The following ZNF219 variants were observed in gnomAD, a reference collection of about 807,000 sequenced individuals.
ZNF219 encodes the protein zinc finger protein 219.
ZNF219 carries 17 observed loss-of-function variants against 54.4 expected under a neutral mutation model. The ratio of observed to expected loss-of-function variants is 0.31; its 90% CI spans 0.21 to 0.47. ZNF219 has a LOEUF of 0.47. Among genes scored for constraint, ZNF219 ranks in the 20% least tolerant of loss-of-function variants. The pLI is 1.00. For missense variants in ZNF219, 1,014 were observed against 1,062.3 expected (o/e 0.95, Z 0.63); for synonymous variants, 518 against 476.4 (o/e 1.09, Z -1.14).
At chr14:21,101,950 C>T (rs755925330), upstream of ZNF219, 7 of 1,551,652 alleles carry the variant, frequency 4.5e-6, no homozygotes, top group East Asian at 2.4e-5. Context: ...ATGGCCACAG[C>T]GCTGCCTCTT....
chr14:21,094,488 TC>T, intron 1 of ZNF219: 1 of 445,992 alleles, frequency 2.2e-6, no homozygotes, highest in South Asian at 1.6e-5. Flanking sequence ...CAGGCTTTCC[TC>T]CTCTCTGCAG....
chr14:21,098,536 C>A lies in ZNF219; in HGVS notation c.-308G>T, dbSNP rs1167319778. On this transcript the variant is annotated 5_prime_UTR_variant, in exon 1 of 5. Transcript: ENST00000360947. ...GGCCCGGCCATTAGCATGCGGGGGG[C>A]GGCGCGGCGGGGCTGGGAGCCGCGC... 15 of 985,608 alleles carry A rather than the reference C, an allele frequency of 1.5e-5. No homozygotes were observed. The highest frequency in any genetic ancestry group is 1.7e-5 in the Non-Finnish European group (14 of 830,676). 61.1% of individuals were successfully genotyped at this position (985,608 alleles called of 1,614,324 possible).
At position 21,091,496 on chromosome 14, in the gene ZNF219, C is replaced by G. The variant is rs780229777; in HGVS notation, c.1479G>C (p.Arg493=). 6.2e-7 allele frequency: 1 copy of G among 1,609,832 alleles called. No homozygotes were observed. Among genetic ancestry groups the G allele is most frequent in the Non-Finnish European group, 8.5e-7 (1 of 1,176,986 alleles). Residue 493 remains arginine, a synonymous_variant, in exon 4 of 5, where the codon CGG becomes CGC. Transcript: ENST00000360947. ...LVGGTRPEGG[R]GATGKDCPFC... ...AAGGACAATCCTTGCCGGTGGCGCC[C>G]CGGCCCCCTTCAGGCCGGGTCCCTC...
At chr14:21,100,163 G>T (rs1040690510), upstream of ZNF219, among the ~76,000 whole-genome samples, 1 of 152,104 alleles carries the variant, frequency 6.6e-6, no homozygotes, top group East Asian at 1.9e-4. Flanking sequence ...AGGAGTTTGA[G>T]ACCAGCTTAG....
At position 21,091,118 on chromosome 14, in the gene ZNF219, C is replaced by G. The variant is rs750245261; in HGVS notation, c.1587G>C (p.Pro529=). Reference sequence around the variant, plus strand: ...ACTGGGTGCCCGCGTAGTCGCAGTGCGGACACTTGTAGGGCCGCTCGCCTG... The same window carrying G: ...ACTGGGTGCCCGCGTAGTCGCAGTGGGGACACTTGTAGGGCCGCTCGCCTG... ...VHTGERPYKC[P]HCDYAGTQSG... Residue 529 remains proline (P), a synonymous_variant, in exon 5 of 5, where the codon CCG becomes CCC. Coordinates refer to ENST00000360947, the MANE Select transcript of ZNF219 (RefSeq NM_016423.3). 5 of 1,591,156 alleles carry G rather than the reference C, an allele frequency of 3.1e-6. No homozygotes were observed. The highest frequency in any genetic ancestry group is 4.3e-6 in the Non-Finnish European group (5 of 1,172,826).
chr14:21,092,887 G>A lies in ZNF219; in HGVS notation c.410C>T (p.Ala137Val), dbSNP rs778249855. 6.5e-7 allele frequency: 1 copy of A among 1,545,644 alleles called. No individual in the cohort carries two copies. Among genetic ancestry groups the A allele is most frequent in the Non-Finnish European group, 8.7e-7 (1 of 1,146,936 alleles). ...GGCCTGCATGCCCCCTGAGCTTCGGGCTCTCCCCAGTCGGGCCTCGCGTAG... is the reference window on the plus strand; with the variant it reads ...GGCCTGCATGCCCCCTGAGCTTCGGACTCTCCCCAGTCGGGCCTCGCGTAG... Reference protein sequence around the residue: ...ALLREARLGRARSSGGMQATP... With the variant: ...ALLREARLGRVRSSGGMQATP... Residue 137 changes from alanine (A) to valine (V), a missense_variant, in exon 3 of 5, where the codon GCC becomes GTC. By Grantham distance (64) the Ala-to-Val change is moderately conservative. Around this residue, in one of 5 missense-constraint regions of ZNF219, gnomAD observed 395 missense variants for 415.1 expected, o/e 0.95. Transcript: ENST00000360947.
upstream of ZNF219, chr14:21,098,703 G>A: frequency 9.8e-7 from 1 of 1,024,880 alleles, no homozygotes; most frequent in Non-Finnish European, 1.2e-6. Flanking sequence ...CGGGGGTGGG[G>A]CGCACAGAGG....
Position 21,092,956 on chromosome 14 carries a change from C to A in ZNF219, c.341G>T (p.Ser114Ile). The A allele has an allele frequency of 6.3e-7, 1 of 1,586,148 alleles. No homozygotes were observed. The highest frequency in any genetic ancestry group is 8.6e-7 in the Non-Finnish European group (1 of 1,168,392). The stretch of plus-strand genomic sequence containing the variant: ...CTCCAGCAACAGGCGTGCAGCAGGA[C>A]TACGTGGGCGCTCGGGCTGGTGTGT... ...LRTHQPERPR[S>I]PAARLLLELE... The change falls in exon 3 of 5, where the codon AGT (serine) becomes ATT (isoleucine). Residue 114 changes from serine to isoleucine, a missense_variant. Ser to Ile is a moderately radical substitution (Grantham distance 142, BLOSUM62 -2). This residue lies in a region of ZNF219 where 395 missense variants were observed against 415.1 expected (regional missense o/e 0.95). Transcript: ENST00000360947.
chr14:21,101,363 A>T, upstream of ZNF219: 1 of 1,551,646 alleles, frequency 6.4e-7, no homozygotes. Context: ...AGAGCTGGTG[A>T]GCAAGAGCAG....
rs867443456 is a variant in ZNF219, at chr14:21,098,470, C to T, written c.-242G>A. ...CCGGCCCCCGCCCCCTCCCCGGTCC[C>T]CCGCCCCCGGCCCTGGCCCGCATTG... is the stretch of plus-strand genomic sequence containing the variant. On this transcript the variant is annotated 5_prime_UTR_variant, in exon 1 of 5. Transcript: ENST00000360947. The T allele has an allele frequency of 2.1e-6, 2 of 975,098 alleles. No individual in the cohort carries two copies. Among genetic ancestry groups the T allele is most frequent in the Middle Eastern group, 1.1e-3 (2 of 1,896 alleles). 60.4% of individuals were successfully genotyped at this position (975,098 alleles called of 1,614,324 possible).
At chr14:21,098,876 G>T, upstream of ZNF219, 1 of 1,283,670 alleles carries the variant, frequency 7.8e-7, no homozygotes, top group Non-Finnish European at 1.0e-6. Context: ...AGTTCTTCCT[G>T]GGGTTTTATC....
At position 21,090,693 on chromosome 14, in the gene ZNF219, C is replaced by A. The variant is rs1040284959; in HGVS notation, c.2012G>T (p.Arg671Leu). 3 of 1,611,136 alleles carry A rather than the reference C, an allele frequency of 1.9e-6. No homozygotes were observed. The highest frequency in any genetic ancestry group is 1.3e-5 in the African/African-American group (1 of 74,918). The change falls in exon 5 of 5, where the codon CGC becomes CTC. Residue 671 changes from arginine (R) to leucine (L), a missense_variant. Transcript: ENST00000360947. The surrounding 1 kb of genome is among the most constrained non-coding windows in gnomAD (Gnocchi z 4.4). Reference sequence around the variant, plus strand: ...GGGTGGCCGGCGGCCCCTAGCCCGGCGGCTGTGGTGCACTTGAAGGTGCAA... The same window carrying A: ...GGGTGGCCGGCGGCCCCTAGCCCGGAGGCTGTGGTGCACTTGAAGGTGCAA... Reference protein sequence around the residue: ...MALHLQVHHSRRARGRRPPQA... With the variant: ...MALHLQVHHSLRARGRRPPQA...
intron 2 of ZNF219, 67 bp from the exon 3 acceptor site, chr14:21,093,357 C>T (rs1292302778): frequency 2.6e-6 from 4 of 1,509,786 alleles, no homozygotes; most frequent in Non-Finnish European, 3.5e-6. Context: ...AGGGCGTCGC[C>T]TCGAGGGCCA....
upstream of ZNF219, chr14:21,098,696 G>C (rs1295115977): frequency 2.9e-6 from 3 of 1,044,378 alleles, no homozygotes; most frequent in African/African-American, 3.4e-5. Flanking sequence ...GAGGGAGCGG[G>C]GGTGGGGCGC....
intron 3 of ZNF219, 55 bp from the exon 4 acceptor site, chr14:21,091,597 C>T (rs1027634774): frequency 5.8e-6 from 9 of 1,562,074 alleles, no homozygotes; most frequent in South Asian, 4.7e-5. Context: ...GTCCAGGTGC[C>T]GCGCACCCAC....
Position 21,091,513 on chromosome 14 carries a change from G to A in ZNF219, c.1462C>T (p.Arg488Trp), listed in dbSNP as rs201025041. The change falls in exon 4 of 5, where the codon CGG becomes TGG. Residue 488 changes from arginine (R) to tryptophan (W), a missense_variant. By Grantham distance (101) the Arg-to-Trp change is moderately radical. This residue lies in a region of ZNF219 where 272 missense variants were observed against 248.9 expected (regional missense o/e 1.09). Coordinates refer to ENST00000360947, the MANE Select transcript of ZNF219 (RefSeq NM_016423.3). ...GTGGCGCCCCGGCCCCCTTCAGGCC[G>A]GGTCCCTCCAACCAACAGCCCATTC... ...EENGLLVGGTRPEGGRGATGK... is the reference protein window; with the variant it reads ...EENGLLVGGTWPEGGRGATGK... 2 of 1,607,504 alleles carry A rather than the reference G, an allele frequency of 1.2e-6. No individual in the cohort carries two copies. The highest frequency in any genetic ancestry group is 1.3e-5 in the African/African-American group (1 of 74,892).
chr14:21,094,566 A>G, intron 1 of ZNF219: 2 of 337,222 alleles, frequency 5.9e-6, no homozygotes, highest in Non-Finnish European at 1.2e-5. Context: ...GGAGTGAGGG[A>G]CGGGGGGCGG....
At chr14:21,097,528 G>C (rs988998366) in intron 1 of ZNF219, 7 of 152,216 alleles carry the variant, frequency 4.6e-5, no homozygotes, top group Admixed American at 1.3e-4. Flanking sequence ...TGGGAGGTAG[G>C]GGCGATCAAG....
rs17849357 is a variant in ZNF219, at chr14:21,092,574, T to C, written c.723A>G (p.Arg241=). ...GCTCCGGCTCCGGCTGGGGGACTGA[T>C]CTGGGTTCGGGCTGGGGTGGAGGCT... The part of the protein sequence containing the change: ...QPQPPPQPEP[R]SVPQPEPEPE... The change falls in exon 3 of 5, where the codon AGA becomes AGG. Residue 241 remains arginine (R), a synonymous_variant. Coordinates refer to ENST00000360947, the MANE Select transcript of ZNF219 (RefSeq NM_016423.3). 26 of 1,546,848 alleles carry C rather than the reference T, an allele frequency of 1.7e-5. No individual in the cohort carries two copies. Among genetic ancestry groups the C allele is most frequent in the Non-Finnish European group, 2.1e-5 (24 of 1,146,480 alleles).
Sources: gnomAD v4.1 joint callset for allele counts (sites outside exome capture counted in the v4.1 genomes callset) on GRCh38, gnomAD v4.1.1 for gene constraint, gnomAD v4.1.1 regional missense constraint, Gnocchi (gnomAD v3.1) non-coding constraint, MANE v1.5 for transcripts, NCBI Gene and HGNC (gene_info 2026-07-23, HGNC 2026-07-21) for gene names.